CHD1: variants seen among roughly 807,000 people sequenced by gnomAD.
CHD1 encodes the protein chromodomain helicase DNA binding protein 1.
Under a neutral mutation model 224.2 loss-of-function variants are expected in CHD1, and 36 were observed. That is an observed-to-expected ratio of 0.16 (90% CI 0.12 to 0.21). The LOEUF (loss-of-function observed/expected upper bound fraction) is 0.21, where lower values mean the gene tolerates loss of function less well. Ranked by LOEUF, CHD1 falls within the 10% of genes least tolerant of loss-of-function variation. CHD1 has a pLI of 1.00. For synonymous variants in CHD1, 668 were observed against 658.3 expected (o/e 1.01, Z -0.23); for missense variants, 1,378 against 1,994.8 (o/e 0.69, Z 5.89).
At chr5:98,921,858 C>A (rs766557569) in intron 2 of CHD1, among the ~76,000 whole-genome samples, 117 of 152,136 alleles carry the variant, frequency 7.7e-4, no homozygotes, top group Non-Finnish European at 1.4e-3. Flanking sequence ...TTATTTAAAA[C>A]TAAAAAAAGT....
At chr5:98,885,737 T>C (rs1750608547) in intron 17 of CHD1, 88 bp from the exon 18 acceptor site, 1 of 791,080 alleles carries the variant, frequency 1.3e-6, no homozygotes, top group Non-Finnish European at 2.1e-6. Flanking sequence ...AGTAGAAATG[T>C]GAAGCATGTC....
chr5:98,880,725 G>A (rs974799577), intron 22 of CHD1, among the ~76,000 whole-genome samples: 1 of 152,086 alleles, frequency 6.6e-6, no homozygotes, highest in Non-Finnish European at 1.5e-5. Flanking sequence ...GTCAAAAACT[G>A]CTTCAAAAAA....
At chr5:98,873,920 T>G (rs1322184159) in intron 25 of CHD1, among the ~76,000 whole-genome samples, 197 bp from the exon 26 acceptor site, 1 of 152,180 alleles carries the variant, frequency 6.6e-6, no homozygotes, top group Non-Finnish European at 1.5e-5. Context: ...TATTCAATAA[T>G]AATGAGTTTA....
chr5:98,896,498 C>T (rs1199044023), intron 11 of CHD1, 56 bp from the exon 12 acceptor site: 6 of 1,186,222 alleles, frequency 5.1e-6, no homozygotes, highest in African/African-American at 1.5e-5. Flanking sequence ...TACAAAGAAA[C>T]CTTTTTACAT....
intron 2 of CHD1, among the ~76,000 whole-genome samples, chr5:98,910,429 GCA>G (rs1381195338): frequency 6.6e-6 from 1 of 151,982 alleles, no homozygotes; most frequent in African/African-American, 2.4e-5. Flanking sequence ...CACCAATTTG[GCA>G]CAGTTAGGAC....
At chr5:98,911,036 T>TTAAA (rs1468497222) in intron 2 of CHD1, among the ~76,000 whole-genome samples, 1 of 149,978 alleles carries the variant, frequency 6.7e-6, no homozygotes, top group Non-Finnish European at 1.5e-5. Context: ...TACTGCACAC[T>TTAAA]TAAATAAACT....
chr5:98,867,770 AC>A (rs1748995405), intron 31 of CHD1, among the ~76,000 whole-genome samples: 1 of 141,320 alleles, frequency 7.1e-6, no homozygotes, highest in South Asian at 2.3e-4. Context: ...ACCTGGGCCC[AC>A]CTTGGCCTCC....
intron 19 of CHD1, 122 bp downstream of exon 19, chr5:98,882,966 G>A (rs1302213740): frequency 2.6e-5 from 15 of 583,484 alleles, no homozygotes; most frequent in Middle Eastern, 5.1e-4. Context: ...GTATCCTATC[G>A]GTTAAACAGT....
intron 2 of CHD1, among the ~76,000 whole-genome samples, chr5:98,911,868 C>T (rs892805034): frequency 7.2e-5 from 11 of 152,088 alleles, no homozygotes; most frequent in Admixed American, 2.6e-4. Flanking sequence ...TAAAGAGATA[C>T]GACAGTCAAA....
intron 2 of CHD1, among the ~76,000 whole-genome samples, chr5:98,911,145 AAATATATATATATATATAT>A (rs1246306516): frequency 7.3e-5 from 7 of 95,418 alleles, no homozygotes; most frequent in Non-Finnish European, 1.4e-4. Context: ...AAAAAAAAAA[AAATATATATATATATATAT>A]ATATATATAT....
intron 30 of CHD1, chr5:98,869,140 T>C: frequency 1.1e-6 from 1 of 952,356 alleles, no homozygotes; most frequent in Non-Finnish European, 1.3e-6. Flanking sequence ...TTTTAAGTTC[T>C]TTTTTATTCT....
In CHD1 at chr5:98,885,574, A is replaced by G; in HGVS notation, c.2568+4T>C. ...TTTATAATTTTAAAAGCACTAATAC[A>G]TACCTCTGATCCCTCAGCATTAAAA... On this transcript the variant is annotated splice_donor_region_variant and intron_variant, in intron 18 of 35. Transcript: ENST00000614616. 1 of 1,561,042 alleles carries G rather than the reference A, an allele frequency of 6.4e-7. No homozygotes were observed. Among genetic ancestry groups the G allele is most frequent in the Non-Finnish European group, 8.8e-7 (1 of 1,137,370 alleles).
At chr5:98,865,780 C>G (rs752113444) in intron 31 of CHD1, among the ~76,000 whole-genome samples, 5 of 152,148 alleles carry the variant, frequency 3.3e-5, no homozygotes, top group Admixed American at 1.3e-4. Flanking sequence ...CTATACAGGC[C>G]AGAAAGTCTG....
intron 28 of CHD1, 35 bp downstream of exon 28, chr5:98,872,016 A>C: frequency 6.6e-7 from 1 of 1,525,760 alleles, no homozygotes; most frequent in Non-Finnish European, 8.9e-7. Flanking sequence ...TAAATTCAAC[A>C]TGAATGGTTA....
chr5:98,869,711 C>T, intron 30 of CHD1, 43 bp downstream of exon 30: 3 of 1,594,178 alleles, frequency 1.9e-6, no homozygotes, highest in Non-Finnish European at 2.6e-6. Flanking sequence ...ATGCCATATT[C>T]CCTTTCCATA....
intron 2 of CHD1, among the ~76,000 whole-genome samples, chr5:98,911,144 AAAATATATATAT>A (rs1295978895): frequency 3.0e-3 from 219 of 73,742 alleles, no homozygotes; most frequent in African/African-American, 0.014. Context: ...AAAAAAAAAA[AAAATATATATAT>A]ATATATATAT....
chr5:98,922,439 AAT>A (rs1753160733), intron 2 of CHD1, among the ~76,000 whole-genome samples: 1 of 152,220 alleles, frequency 6.6e-6, no homozygotes, highest in African/African-American at 2.4e-5. Flanking sequence ...CCTTTCAGTG[AAT>A]AGTTATAGAG....
rs966304766 is a variant in CHD1, at chr5:98,879,847, C to T, written c.3061-119G>A. 7 of 608,114 alleles carry T rather than the reference C, an allele frequency of 1.2e-5. No homozygotes were observed. The African/African-American group carries it at 1.3e-4, about 12-fold the overall frequency. 37.7% of individuals were successfully genotyped at this position (608,114 alleles called of 1,614,324 possible). On this transcript the variant is annotated intron_variant, in intron 22 of 35. Transcript: ENST00000614616. ...TAATGAACATGGCTGTGGACTAAAC[C>T]AAATATAACTTCTAAACAACCTAGA...
intron 2 of CHD1, among the ~76,000 whole-genome samples, chr5:98,926,108 TATATTTAA>T (rs1753438413): frequency 6.6e-6 from 1 of 152,118 alleles, no homozygotes; most frequent in Non-Finnish European, 1.5e-5. Context: ...AAAAACTTTC[TATATTTAA>T]GATCTACTGT....
Sources: allele counts gnomAD v4.1 joint callset (sites outside exome capture counted in the v4.1 genomes callset), GRCh38; gene constraint gnomAD v4.1.1; transcripts MANE v1.5; gene names NCBI Gene and HGNC (gene_info 2026-07-23, HGNC 2026-07-21).